The following PDE7B variants were observed in gnomAD, a reference collection of about 807,000 sequenced individuals.
PDE7B encodes 3',5'-cyclic-AMP phosphodiesterase 7B.
In PDE7B, 29 loss-of-function variants were observed where a neutral mutation model predicts 56.2. That is an observed-to-expected ratio of 0.52 (90% CI 0.38 to 0.70). The LOEUF is 0.70. Among genes scored for constraint, PDE7B ranks in the 30% least tolerant of loss-of-function variants. The pLI is 0.00. For synonymous variants in PDE7B, 197 were observed against 196.9 expected, an observed-to-expected ratio of 1.00 and a Z score of 0.00; for missense variants, 490 against 565.0, an observed-to-expected ratio of 0.87 and a Z score of 1.35.
chr6:136,020,635 T>C (rs1033122456), intron 2 of PDE7B, among the ~76,000 whole-genome samples: 31 of 151,776 alleles, frequency 2.0e-4, no homozygotes, highest in Non-Finnish European at 5.9e-5. Flanking sequence ...AAACAAGCCA[T>C]TGAAGATTGA....
intron 1 of PDE7B, among the ~76,000 whole-genome samples, chr6:135,859,290 A>G (rs374502335): frequency 1.3e-5 from 2 of 152,140 alleles, no homozygotes; most frequent in African/African-American, 2.4e-5. Context: ...CCATGTTCTT[A>G]AGATGAGTGT....
chr6:135,996,006 C>T (rs1458936023), intron 2 of PDE7B, among the ~76,000 whole-genome samples: 1 of 151,936 alleles, frequency 6.6e-6, no homozygotes, highest in Non-Finnish European at 1.5e-5. Flanking sequence ...AGAGTTGGTG[C>T]TTTTTATTTT....
intron 2 of PDE7B, among the ~76,000 whole-genome samples, chr6:136,042,099 T>C (rs1266391972): frequency 1.3e-5 from 2 of 152,262 alleles, no homozygotes; most frequent in Non-Finnish European, 2.9e-5. Context: ...GTGTCTCGTA[T>C]ACATTTTCTA....
intron 8 of PDE7B, among the ~76,000 whole-genome samples, chr6:136,170,145 T>A (rs1583921843): frequency 1.3e-5 from 2 of 152,144 alleles, no homozygotes; most frequent in East Asian, 3.8e-4. Flanking sequence ...CCTTCCTCAT[T>A]TGCTGAAAAA....
intron 2 of PDE7B, among the ~76,000 whole-genome samples, chr6:136,084,640 TG>T (rs1388591122): frequency 1.3e-5 from 2 of 152,206 alleles, no homozygotes; most frequent in Non-Finnish European, 1.5e-5. Flanking sequence ...TGAAACATTT[TG>T]TAAGTATAGT....
chr6:135,937,058 GT>G (rs1490166360), intron 1 of PDE7B, among the ~76,000 whole-genome samples: 1 of 152,212 alleles, frequency 6.6e-6, no homozygotes, highest in Non-Finnish European at 1.5e-5. Flanking sequence ...AACTAAAAGT[GT>G]TAGACATAAT....
intron 8 of PDE7B, among the ~76,000 whole-genome samples, chr6:136,163,250 G>T (rs552626416): frequency 6.6e-6 from 1 of 152,356 alleles, no homozygotes; most frequent in South Asian, 2.1e-4. Flanking sequence ...CTAGGTGGAG[G>T]TTCTCAAACC....
intron 1 of PDE7B, among the ~76,000 whole-genome samples, chr6:135,858,637 G>T (rs1486624741): frequency 6.6e-6 from 1 of 152,044 alleles, no homozygotes; most frequent in Admixed American, 6.5e-5. Flanking sequence ...AGCCCTCTGG[G>T]CACCAGCTTT....
chr6:135,903,260 A>AG (rs1402270060), intron 1 of PDE7B, among the ~76,000 whole-genome samples: 1 of 152,154 alleles, frequency 6.6e-6, no homozygotes, highest in Non-Finnish European at 1.5e-5. Flanking sequence ...GTATAAGCAA[A>AG]GGTTGTATCA....
chr6:136,090,878 A>G (rs768653006), intron 2 of PDE7B, among the ~76,000 whole-genome samples: 53 of 152,242 alleles, frequency 3.5e-4, no homozygotes, highest in Middle Eastern at 3.4e-3. Flanking sequence ...TACTCTATCA[A>G]TCACTACATT....
At chr6:136,176,138 T>G (rs1445473782) in intron 9 of PDE7B, among the ~76,000 whole-genome samples, 2 of 152,070 alleles carry the variant, frequency 1.3e-5, no homozygotes, top group Admixed American at 6.6e-5. Flanking sequence ...TTCCTATCAG[T>G]GTTATTCATT....
intron 2 of PDE7B, among the ~76,000 whole-genome samples, chr6:135,958,382 A>G (rs959812770): frequency 6.6e-6 from 1 of 152,216 alleles, no homozygotes; most frequent in Non-Finnish European, 1.5e-5. Context: ...AAAATGTTCC[A>G]GAGACAATGT....
chr6:136,001,615 A>G (rs1003899421), intron 2 of PDE7B, among the ~76,000 whole-genome samples: 19 of 152,248 alleles, frequency 1.2e-4, no homozygotes, highest in Non-Finnish European at 2.5e-4. Flanking sequence ...GGAAGATGAA[A>G]TGAATGAAAT....
Position 136,194,481 on chromosome 6 carries a change from A to G in PDE7B, c.*2641A>G, listed in dbSNP as rs1359825742. ...TTGATGCAGCTGCCTCCCTCATTCA[A>G]CTGGGGAGTTCTTGAGTTCCTCATT... On this transcript the variant is annotated 3_prime_UTR_variant, in exon 13 of 13. Coordinates refer to ENST00000308191, the MANE Select transcript of PDE7B (RefSeq NM_018945.4). The G allele has an allele frequency of 2.6e-5, 4 of 152,220 alleles. No individual in the cohort carries two copies. Among genetic ancestry groups the G allele is most frequent in the South Asian group, 2.1e-4 (1 of 4,830 alleles). 9.4% of individuals were successfully genotyped at this position (152,220 alleles called of 1,614,324 possible).
intron 1 of PDE7B, among the ~76,000 whole-genome samples, chr6:135,906,806 G>GTTTTTTTTTTTTTTTTTTTTTTTT (rs1383346069): frequency 3.1e-5 from 1 of 32,434 alleles, no homozygotes; most frequent in African/African-American, 1.3e-4. Context: ...TGTTAATGAG[G>GTTTTTTTTTTTTTTTTTTTTTTTT]TTTGTTTTTT....
In PDE7B at chr6:135,917,071, G is replaced by C. The variant is rs1474168228; in HGVS notation, c.22-30393G>C. Among the ~76,000 whole-genome samples, 3 of 151,980 alleles carry C rather than the reference G, an allele frequency of 2.0e-5. No homozygotes were observed. The East Asian group carries it at 5.8e-4, about 29-fold the overall frequency. On this transcript the variant is annotated intron_variant, in intron 1 of 12. Coordinates refer to ENST00000308191, the MANE Select transcript of PDE7B (RefSeq NM_018945.4). ...TTCTTTGTAGTTTTCACTTAATTTAGGTCTACAATACATAAAATTTTGTGT... is the reference window on the plus strand; with the variant it reads ...TTCTTTGTAGTTTTCACTTAATTTACGTCTACAATACATAAAATTTTGTGT...
chr6:136,134,545 A>C (rs1778176667), intron 3 of PDE7B, among the ~76,000 whole-genome samples: 1 of 152,062 alleles, frequency 6.6e-6, no homozygotes, highest in African/African-American at 2.4e-5. Context: ...TCTGCTTCTT[A>C]CTAATTCATT....
intron 3 of PDE7B, 40 bp downstream of exon 3, chr6:136,108,854 C>A: frequency 8.1e-7 from 1 of 1,233,346 alleles, no homozygotes; most frequent in Non-Finnish European, 1.2e-6. Flanking sequence ...CAAACGTTTT[C>A]TTCAAAAAGA....
intron 8 of PDE7B, among the ~76,000 whole-genome samples, chr6:136,167,060 G>T (rs1419593062): frequency 6.6e-6 from 1 of 151,970 alleles, no homozygotes; most frequent in African/African-American, 2.4e-5. Flanking sequence ...GTTCTCTTTA[G>T]AATGCTCTTC....
Sources: gnomAD v4.1 joint callset for allele counts (sites outside exome capture counted in the v4.1 genomes callset) on GRCh38, gnomAD v4.1.1 for gene constraint, MANE v1.5 for transcripts, NCBI Gene and HGNC (gene_info 2026-07-23, HGNC 2026-07-21) for gene names.